RBPJ: variants seen among roughly 807,000 people sequenced by gnomAD.
The protein encoded by RBPJ is recombination signal binding protein for immunoglobulin kappa J region, also known as recombining binding protein suppressor of hairless.
Under a neutral mutation model 67.8 loss-of-function variants are expected in RBPJ, and 9 were observed. The ratio of observed to expected loss-of-function variants is 0.13; its 90% CI spans 0.08 to 0.23. The LOEUF (loss-of-function observed/expected upper bound fraction) is 0.23, where lower values mean the gene tolerates loss of function less well. RBPJ is among the 10% of genes least tolerant of loss of function. The pLI, the probability that RBPJ is intolerant of heterozygous loss-of-function variation, is 1.00. For missense variants in RBPJ, 305 were observed against 595.6 expected (o/e 0.51, Z 5.08); for synonymous variants, 198 against 203.3 (o/e 0.97, Z 0.22).
rs1237622939 is a variant in RBPJ, at chr4:26,394,435, T to TA, written c.59+8046dup. Among the ~76,000 whole-genome samples, 8 of 149,886 alleles carry TA rather than the reference T, an allele frequency of 5.3e-5. 1 individual carries two copies. Among genetic ancestry groups the TA allele is most frequent in the Admixed American group, 5.3e-4 (8 of 15,046 alleles). On this transcript the variant is annotated intron_variant, in intron 2 of 10. Transcript: ENST00000355476. ...TCCCAATCTCTTGAAATACTCCCTT[T>TA]AATATGGCCCACAAGTATAACTTGA...
chr4:26,336,966 G>A (rs1180250854), intron 1 of RBPJ, among the ~76,000 whole-genome samples: 5 of 151,910 alleles, frequency 3.3e-5, no homozygotes, highest in Admixed American at 6.6e-5. Flanking sequence ...TCTTTGTTTA[G>A]CGTTTTTTGT....
At chr4:26,203,785 A>G (rs1176631797) in intron 1 of RBPJ, among the ~76,000 whole-genome samples, 1 of 152,182 alleles carries the variant, frequency 6.6e-6, no homozygotes, top group African/African-American at 2.4e-5. Flanking sequence ...GCCTTTAAGT[A>G]ATTGCTTCAT....
intron 1 of RBPJ, among the ~76,000 whole-genome samples, chr4:26,194,726 C>T (rs1717690393): frequency 1.3e-5 from 2 of 152,226 alleles, no homozygotes; most frequent in African/African-American, 2.4e-5. Context: ...CTCCACTAGA[C>T]CATGAGCTTC....
chr4:26,263,768 C>T (rs566374289), intron 1 of RBPJ, among the ~76,000 whole-genome samples: 37 of 152,146 alleles, frequency 2.4e-4, no homozygotes, highest in Admixed American at 1.4e-3. Context: ...GACGGGGTTT[C>T]ACCATATTGG....
chr4:26,168,631 T>C (rs555416376), intron 1 of RBPJ, among the ~76,000 whole-genome samples: 1 of 152,236 alleles, frequency 6.6e-6, no homozygotes, highest in Non-Finnish European at 1.5e-5. Flanking sequence ...CCTTGCTAGA[T>C]TGGGGAAGTT....
At chr4:26,422,118 G>A (rs1735199019) in intron 5 of RBPJ, among the ~76,000 whole-genome samples, 1 of 151,972 alleles carries the variant, frequency 6.6e-6, no homozygotes. Flanking sequence ...TACTTTCCAT[G>A]AACTGGTGGT....
intron 2 of RBPJ, among the ~76,000 whole-genome samples, chr4:26,395,307 A>G (rs1351418861): frequency 6.6e-6 from 1 of 152,042 alleles, no homozygotes; most frequent in East Asian, 1.9e-4. Context: ...AGAATTAGCT[A>G]GATGTGGTAT....
intron 1 of RBPJ, among the ~76,000 whole-genome samples, chr4:26,254,491 G>A (rs890201703): frequency 6.7e-6 from 1 of 148,496 alleles, no homozygotes; most frequent in Non-Finnish European, 1.5e-5. Context: ...TTCCTTTCAT[G>A]GCCCTTGGCT....
chr4:26,233,333 T>C (rs1719350738), intron 1 of RBPJ, among the ~76,000 whole-genome samples: 1 of 152,218 alleles, frequency 6.6e-6, no homozygotes, highest in Non-Finnish European at 1.5e-5. Context: ...ACATACAAGC[T>C]CTTCTGTTTC....
chr4:26,165,158 ATTACT>A (rs970147253), intron 1 of RBPJ, among the ~76,000 whole-genome samples: 4 of 152,140 alleles, frequency 2.6e-5, no homozygotes, highest in Admixed American at 2.0e-4. Context: ...GACTAATTAG[ATTACT>A]TTATGTCATT....
intron 1 of RBPJ, among the ~76,000 whole-genome samples, chr4:26,231,703 C>T (rs1446912994): frequency 6.6e-6 from 1 of 151,242 alleles, no homozygotes; most frequent in Non-Finnish European, 1.5e-5. Context: ...TGAGCCACGG[C>T]GCCCAGCCTA....
At chr4:26,271,935 T>C (rs1268112036) in intron 1 of RBPJ, among the ~76,000 whole-genome samples, 1 of 152,194 alleles carries the variant, frequency 6.6e-6, no homozygotes, top group East Asian at 1.9e-4. Context: ...TGGGCACAGG[T>C]ATATAGGCAC....
At chr4:26,189,622 C>T (rs903012232) in intron 1 of RBPJ, among the ~76,000 whole-genome samples, 2 of 151,910 alleles carry the variant, frequency 1.3e-5, no homozygotes, top group Non-Finnish European at 2.9e-5. Context: ...TGCACCACTG[C>T]ACTCCAGCCT....
intron 1 of RBPJ, among the ~76,000 whole-genome samples, chr4:26,166,501 C>T (rs1205778308): frequency 1.3e-5 from 2 of 149,052 alleles, no homozygotes; most frequent in African/African-American, 2.5e-5. Flanking sequence ...TGTTTTTTGG[C>T]TGCATAAATG....
intron 1 of RBPJ, among the ~76,000 whole-genome samples, chr4:26,314,310 C>G (rs1722534112): frequency 6.6e-6 from 1 of 151,818 alleles, no homozygotes; most frequent in Non-Finnish European, 1.5e-5. Context: ...ATCAGTGATG[C>G]TGCAAAATAT....
At chr4:26,324,610 A>G (rs1723430058) in intron 1 of RBPJ, among the ~76,000 whole-genome samples, 1 of 151,916 alleles carries the variant, frequency 6.6e-6, no homozygotes, top group Non-Finnish European at 1.5e-5. Flanking sequence ...GCTCACTGCA[A>G]CCTCCACCTC....
chr4:26,236,919 T>G (rs1047582958), intron 1 of RBPJ, among the ~76,000 whole-genome samples: 1 of 152,238 alleles, frequency 6.6e-6, no homozygotes, highest in African/African-American at 2.4e-5. Context: ...TTCTGATGTC[T>G]ACTCTGAGTT....
intron 1 of RBPJ, among the ~76,000 whole-genome samples, chr4:26,270,830 C>G (rs1720893824): frequency 6.6e-6 from 1 of 152,036 alleles, no homozygotes; most frequent in Non-Finnish European, 1.5e-5. Flanking sequence ...ATTACATGCA[C>G]AGGGGTGTCA....
chr4:26,279,547 A>G (rs1261887826), intron 1 of RBPJ, among the ~76,000 whole-genome samples: 4 of 152,166 alleles, frequency 2.6e-5, no homozygotes, highest in Non-Finnish European at 5.9e-5. Context: ...AAGCGTTGGG[A>G]TTAAAGGCGT....
Sources: gnomAD v4.1 joint callset for allele counts (sites outside exome capture counted in the v4.1 genomes callset) on GRCh38, gnomAD v4.1.1 for gene constraint, MANE v1.5 for transcripts, NCBI Gene and HGNC (gene_info 2026-07-23, HGNC 2026-07-21) for gene names.